ZMYM6: variants seen among roughly 807,000 people sequenced by gnomAD.
ZMYM6 encodes the protein zinc finger MYM-type containing 6.
Under a neutral mutation model 134.0 loss-of-function variants are expected in ZMYM6, and 90 were observed. The ratio of observed to expected loss-of-function variants is 0.67; its 90% CI spans 0.57 to 0.80. The LOEUF (loss-of-function observed/expected upper bound fraction) is 0.80. Ranked by LOEUF, ZMYM6 falls within the 30% of genes least tolerant of loss-of-function variation. The probability of loss-of-function intolerance (pLI) is 0.00; values close to 1 mark genes in which losing one functional copy is unlikely to be tolerated. For synonymous variants in ZMYM6, 481 were observed against 524.1 expected (o/e 0.92, Z 1.12); for missense variants, 1,362 against 1,533.9 (o/e 0.89, Z 1.87).
At chr1:34,992,830 T>C (rs1265675798) in intron 14 of ZMYM6, among the ~76,000 whole-genome samples, 2 of 145,476 alleles carry the variant, frequency 1.4e-5, no homozygotes, top group African/African-American at 2.5e-5. Context: ...ACTATAAATA[T>C]AAAAATATAC....
intron 2 of ZMYM6, among the ~76,000 whole-genome samples, chr1:35,025,681 C>T (rs1641400949): frequency 6.6e-6 from 1 of 152,104 alleles, no homozygotes; most frequent in Admixed American, 6.6e-5. Flanking sequence ...AGCAGAAGTC[C>T]TATCTTTTCA....
At chr1:34,992,808 A>AT (rs1640706752) in intron 14 of ZMYM6, among the ~76,000 whole-genome samples, 1 of 144,494 alleles carries the variant, frequency 6.9e-6, no homozygotes, top group African/African-American at 2.5e-5. Flanking sequence ...AAATATAAAA[A>AT]TATACTTATA....
At chr1:35,010,638 T>C (rs41266437) in intron 9 of ZMYM6, 41 bp from the exon 10 acceptor site, 38,060 of 1,566,216 alleles carry the variant, frequency 0.024, 598 homozygotes, top group South Asian at 0.039. Context: ...AACTAAACAG[T>C]TGCTTTATCT....
chr1:35,024,648 G>A (rs944734332), intron 2 of ZMYM6, among the ~76,000 whole-genome samples: 72 of 151,948 alleles, frequency 4.7e-4, no homozygotes, highest in African/African-American at 1.6e-3. Context: ...CTTTATTGTT[G>A]ATACTCAACT....
intron 14 of ZMYM6, among the ~76,000 whole-genome samples, chr1:34,997,780 T>C (rs1196252785): frequency 3.9e-5 from 6 of 152,170 alleles, no homozygotes; most frequent in Non-Finnish European, 5.9e-5. Context: ...ACCGTTAAAA[T>C]TTTTTCCTAT....
intron 2 of ZMYM6, among the ~76,000 whole-genome samples, chr1:35,023,567 TA>T (rs74438818): frequency 0.059 from 9,047 of 152,218 alleles, 583 homozygotes; most frequent in East Asian, 0.38. Context: ...AAGAGGACAT[TA>T]AAAATATTAT....
In ZMYM6 at chr1:35,002,775, G is replaced by A. The variant is rs567446215; in HGVS notation, c.1992+1193C>T. Among the ~76,000 whole-genome samples, 67 of 152,108 alleles carry A rather than the reference G, an allele frequency of 4.4e-4. 1 individual carries two copies. The highest frequency in any genetic ancestry group is 3.4e-3 in the Middle Eastern group (1 of 294). ...TTGTTCTAAAGTTATTAAATTTGGG[G>A]CACATTTTTTTAGCACTAGCACCAC... On this transcript the variant is annotated intron_variant, in intron 14 of 15. Transcript: ENST00000357182.
chr1:34,991,306 A>C (rs1272043222), intron 15 of ZMYM6, among the ~76,000 whole-genome samples: 2 of 152,200 alleles, frequency 1.3e-5, no homozygotes, highest in Non-Finnish European at 2.9e-5. Context: ...AAATTCAGGT[A>C]CAAATAATAT....
Position 34,992,233 on chromosome 1 carries a change from CCTGT to C in ZMYM6, c.2143_2146del (p.Thr715IlefsTer23). ...ACATGGGAACGCACAAGGATACATA[CCTGT>C]CTGACATTCTTTGTGCTGTGTATGT... On this transcript the variant is annotated frameshift_variant and splice_region_variant, in exon 15 of 16. Transcript: ENST00000357182. LOFTEE classifies it high-confidence loss of function. The C allele has an allele frequency of 1.2e-6, 2 of 1,613,936 alleles. No homozygotes were observed. Among genetic ancestry groups the C allele is most frequent in the Non-Finnish European group, 1.7e-6 (2 of 1,179,884 alleles).
chr1:35,015,743 A>AAAAAAAAAAATATATATATATATAT, intron 4 of ZMYM6, among the ~76,000 whole-genome samples: 3 of 106,464 alleles, frequency 2.8e-5, no homozygotes, highest in African/African-American at 2.0e-4. Context: ...AAAAAAAAAA[A>AAAAAAAAAAATATATATATATATAT]ATATATATAT....
intron 2 of ZMYM6, among the ~76,000 whole-genome samples, chr1:35,023,465 G>C (rs2148460519): frequency 6.6e-6 from 1 of 152,172 alleles, no homozygotes; most frequent in East Asian, 1.9e-4. Flanking sequence ...ATAAATACTT[G>C]CTAAATGAAG....
intron 2 of ZMYM6, 101 bp from the exon 3 acceptor site, chr1:35,020,568 CTTTTTTTTTTTT>C (rs942213398): frequency 3.5e-4 from 85 of 241,466 alleles, no homozygotes; most frequent in African/African-American, 2.3e-3. Flanking sequence ...TATTCATCTC[CTTTTTTTTTTTT>C]TTTTTTTTTT....
chr1:35,019,218 A>G, intron 4 of ZMYM6, 135 bp downstream of exon 4: 3 of 1,307,244 alleles, frequency 2.3e-6, no homozygotes, highest in Non-Finnish European at 3.1e-6. Context: ...AAATTGGTGA[A>G]TTCTTCCATT....
chr1:35,016,238 C>T lies in ZMYM6; in HGVS notation c.429-1076G>A, dbSNP rs542587209. On this transcript the variant is annotated intron_variant, in intron 4 of 15. Coordinates refer to ENST00000357182, the MANE Select transcript of ZMYM6 (RefSeq NM_007167.4). ...TGTTGGGATTACAGGCATAAGCCAC[C>T]GTGTCCAGCCAAGACAATAAATGAA... 3.9e-5 allele frequency among the ~76,000 whole-genome samples: 6 copies of T among 152,188 alleles called. No homozygotes were observed. The East Asian group carries it at 7.7e-4, about 20-fold the overall frequency.
At chr1:34,990,237 T>C in intron 15 of ZMYM6, 1 of 228,566 alleles carries the variant, frequency 4.4e-6, no homozygotes, top group South Asian at 4.6e-5. Context: ...TCCCAGCACT[T>C]TGGGAGGCTG....
chr1:34,992,703 TACTTATAAACTATAAAAATAAAAATATAC>T (rs1640701659), intron 14 of ZMYM6, among the ~76,000 whole-genome samples: 1 of 139,462 alleles, frequency 7.2e-6, no homozygotes, highest in African/African-American at 2.8e-5. Context: ...AATAAAAATA[TACTTATAAACTATAAAAATAAAAATATAC>T]TTATAAACTA....
In ZMYM6 at chr1:35,007,056, C is replaced by T. The variant is rs1640993776; in HGVS notation, c.1708G>A (p.Glu570Lys). The T allele has an allele frequency of 1.2e-6, 2 of 1,610,164 alleles. No homozygotes were observed. The highest frequency in any genetic ancestry group is 1.7e-6 in the Non-Finnish European group (2 of 1,178,136). The part of the protein sequence containing the change: ...DGCKRQGKLS[E>K]SIKWRGNIKH... ...ATGTTGCCTCGCCACTTTATGGACT[C>T]GCTTAGTTTACCCTGTCGTTTACAA... is the stretch of plus-strand genomic sequence containing the variant. The change falls in exon 12 of 16, where the codon GAG (glutamate) becomes AAG (lysine). Residue 570 changes from glutamate (E) to lysine (K), a missense_variant. Around this residue, in one of 3 missense-constraint regions of ZMYM6, gnomAD observed 824 missense variants for 940.9 expected, o/e 0.88. Coordinates refer to ENST00000357182, the MANE Select transcript of ZMYM6 (RefSeq NM_007167.4).
rs143533299 is a variant in ZMYM6, at chr1:35,024,683, C to A, written c.94-4216G>T. Among the ~76,000 whole-genome samples the A allele has an allele frequency of 9.9e-4, 150 of 152,214 alleles. 1 individual carries two copies. The East Asian group carries it at 0.02, about 20-fold the overall frequency. ...TATTAAACACACCACATTCTCTCAC[C>A]CCTCCATGACGTGGCTATTTTCTCT... On this transcript the variant is annotated intron_variant, in intron 2 of 15. Coordinates refer to ENST00000357182, the MANE Select transcript of ZMYM6 (RefSeq NM_007167.4).
At chr1:35,010,015 CT>C (rs943885082) in intron 10 of ZMYM6, among the ~76,000 whole-genome samples, 93 of 145,818 alleles carry the variant, frequency 6.4e-4, no homozygotes, top group Non-Finnish European at 7.6e-4. Context: ...TCAAAAAAAC[CT>C]TTTTTTTTTT....
Sources: allele counts gnomAD v4.1 joint callset (sites outside exome capture counted in the v4.1 genomes callset), GRCh38; gene constraint gnomAD v4.1.1; regional missense constraint gnomAD v4.1.1; transcripts MANE v1.5; gene names NCBI Gene and HGNC (gene_info 2026-07-23, HGNC 2026-07-21).